KATNIP: variants seen among roughly 807,000 people sequenced by gnomAD.
KATNIP encodes katanin-interacting protein.
KATNIP carries 126 observed loss-of-function variants against 174.0 expected under a neutral mutation model. The observed-to-expected ratio is 0.72, with a 90% CI of 0.63 to 0.84. The LOEUF (loss-of-function observed/expected upper bound fraction) is 0.84, where lower values mean the gene tolerates loss of function less well. Among genes scored for constraint, KATNIP ranks in the 40% least tolerant of loss-of-function variants. The pLI is 0.00. For missense variants in KATNIP, 1,958 were observed against 2,109.7 expected, an observed-to-expected ratio of 0.93 and a Z score of 1.41; for synonymous variants, 810 against 835.7, an observed-to-expected ratio of 0.97 and a Z score of 0.53.
intron 14 of KATNIP, among the ~76,000 whole-genome samples, chr16:27,730,589 C>A (rs2080635060): frequency 6.6e-6 from 1 of 152,226 alleles, no homozygotes; most frequent in South Asian, 2.1e-4. Flanking sequence ...CTCCTGCCAT[C>A]CCCAGAGCCT....
Position 27,776,966 on chromosome 16 carries a change from C to T in KATNIP, c.4488C>T (p.Thr1496=), listed in dbSNP as rs769451151. ...RVYVIFDLPT[T]VSMIKLWNYA... is the part of the protein sequence containing the mutation. The stretch of plus-strand genomic sequence containing the variant: ...ATGTGATTTTCGATCTGCCTACCAC[C>T]GTGTCAATGATCAAACTGTGGAATT... Residue 1496 remains threonine, a synonymous_variant, in exon 25 of 28, where the codon ACC becomes ACT. Coordinates refer to ENST00000261588, the MANE Select transcript of KATNIP (RefSeq NM_015202.5). The surrounding 1 kb of genome is among the most constrained non-coding windows in gnomAD (Gnocchi z 4.7). 24 of 1,613,734 alleles carry T rather than the reference C, an allele frequency of 1.5e-5. No individual in the cohort carries two copies. The highest frequency in any genetic ancestry group is 5.3e-5 in the African/African-American group (4 of 74,920).
chr16:27,641,203 T>A (rs2076785269), intron 5 of KATNIP, among the ~76,000 whole-genome samples: 1 of 151,942 alleles, frequency 6.6e-6, no homozygotes, highest in Non-Finnish European at 1.5e-5. Context: ...TCTTTCATGC[T>A]TTCAGTTCAA....
rs78113825 is a variant in KATNIP at position 27,779,044 on chromosome 16, C to T, written c.*415C>T. 151 of 170,668 alleles carry T rather than the reference C, an allele frequency of 8.8e-4. No individual in the cohort carries two copies. The highest frequency in any genetic ancestry group is 3.3e-3 in the African/African-American group (141 of 42,278). The allele number at this position is 170,668 out of a possible 1,614,324, so 10.6% of individuals were successfully genotyped here. A position where few individuals can be genotyped will look rare whatever the true frequency, so the allele number is the denominator to read the frequency against. ...GACAGTGGGAGACCAGACCCTACCCCGCAACTCCAGTAAGCAGGGCACTGC... is the reference window on the plus strand; with the variant it reads ...GACAGTGGGAGACCAGACCCTACCCTGCAACTCCAGTAAGCAGGGCACTGC... On this transcript the variant is annotated 3_prime_UTR_variant, in exon 28 of 28. Transcript: ENST00000261588.
chr16:27,588,239 T>G (rs2090977497), intron 2 of KATNIP, among the ~76,000 whole-genome samples: 1 of 152,026 alleles, frequency 6.6e-6, no homozygotes. Flanking sequence ...AGGACCATAC[T>G]AAGGGACAAT....
chr16:27,774,598 A>T (rs1361779041), intron 23 of KATNIP, among the ~76,000 whole-genome samples: 1 of 152,120 alleles, frequency 6.6e-6, no homozygotes, highest in Non-Finnish European at 1.5e-5. Flanking sequence ...ATTCCCTTCC[A>T]AAAGAAAACC....
chr16:27,722,815 C>T (rs1004200995), intron 14 of KATNIP, among the ~76,000 whole-genome samples: 1 of 152,226 alleles, frequency 6.6e-6, no homozygotes, highest in Admixed American at 6.5e-5. Flanking sequence ...TCCCAACATG[C>T]CCAGTGAGCT....
At chr16:27,753,366 G>A (rs1009926731) in intron 17 of KATNIP, among the ~76,000 whole-genome samples, 3 of 152,172 alleles carry the variant, frequency 2.0e-5, no homozygotes, top group South Asian at 2.1e-4. Flanking sequence ...TACCCTGGGC[G>A]CTTCCATTTG....
intron 2 of KATNIP, among the ~76,000 whole-genome samples, chr16:27,579,581 C>T (rs1454529737): frequency 6.6e-6 from 1 of 152,172 alleles, no homozygotes; most frequent in Non-Finnish European, 1.5e-5. Context: ...CTCCCTCACT[C>T]CAGCCAGACT....
Position 27,750,088 on chromosome 16 carries a change from A to C in KATNIP, c.3128A>C (p.Asp1043Ala). The change falls in exon 16 of 28, where the codon GAT (aspartate) becomes GCT (alanine). Residue 1043 changes from aspartate to alanine, a missense_variant. Transcript: ENST00000261588. ...NLIDGVNRTQDDMHVWLAPFT... is the reference protein window; with the variant it reads ...NLIDGVNRTQADMHVWLAPFT... ...ATCGACGGGGTGAACAGGACCCAGG[A>C]TGACATGCATGTCTGGCTGGCCCCC... is the stretch of plus-strand genomic sequence containing the variant. The C allele has an allele frequency of 6.2e-7, 1 of 1,614,204 alleles. No individual in the cohort carries two copies. Among genetic ancestry groups the C allele is most frequent in the South Asian group, 1.1e-5 (1 of 91,078 alleles).
chr16:27,709,321 TAA>T (rs544654938), intron 13 of KATNIP, among the ~76,000 whole-genome samples: 49 of 120,108 alleles, frequency 4.1e-4, no homozygotes, highest in Non-Finnish European at 4.4e-4. Context: ...ACCCTGTCTC[TAA>T]AAAAAAAAAA....
chr16:27,732,524 T>C (rs1208325869), intron 14 of KATNIP, among the ~76,000 whole-genome samples: 1 of 152,172 alleles, frequency 6.6e-6, no homozygotes, highest in East Asian at 1.9e-4. Context: ...TGTGGACACT[T>C]GGCTAAGCAG....
chr16:27,633,455 A>AT (rs1197811965), intron 5 of KATNIP, among the ~76,000 whole-genome samples: 1 of 148,572 alleles, frequency 6.7e-6, no homozygotes, highest in African/African-American at 2.5e-5. Flanking sequence ...TTATTTTTAT[A>AT]TATTTTTTAT....
chr16:27,724,692 G>A (rs547684248), intron 14 of KATNIP, among the ~76,000 whole-genome samples: 17 of 152,316 alleles, frequency 1.1e-4, no homozygotes, highest in Admixed American at 6.5e-4. Context: ...GCAGAAAAGC[G>A]CAAACAAATG....
chr16:27,663,791 GT>G lies in KATNIP; in HGVS notation c.541-13928del, dbSNP rs980062265. Among the ~76,000 whole-genome samples the G allele has an allele frequency of 6.4e-4, 95 of 148,350 alleles. 1 individual carries two copies. Among genetic ancestry groups the G allele is most frequent in the Middle Eastern group, 6.9e-3 (2 of 288 alleles). On this transcript the variant is annotated intron_variant, in intron 6 of 27. Transcript: ENST00000261588. ...TCTAATTGGCTTATTAGTTTAGGGT[GT>G]TTTTTTTTTCCCCTCCTATATGTTT...
At chr16:27,551,794 T>C (rs1195376663) in intron 1 of KATNIP, among the ~76,000 whole-genome samples, 5 of 151,976 alleles carry the variant, frequency 3.3e-5, no homozygotes, top group Non-Finnish European at 2.9e-5. Flanking sequence ...GGAGAATCAT[T>C]TGAAGCCGAG....
At chr16:27,753,154 A>G (rs2081582576) in intron 17 of KATNIP, among the ~76,000 whole-genome samples, 1 of 152,002 alleles carries the variant, frequency 6.6e-6, no homozygotes, top group South Asian at 2.1e-4. Flanking sequence ...CCCCACATCT[A>G]AGGAAAGCGG....
In KATNIP at chr16:27,775,034, G is replaced by T; in HGVS notation, c.4399G>T (p.Asp1467Tyr). 6.2e-7 allele frequency: 1 copy of T among 1,613,464 alleles called. No homozygotes were observed. ...TPDKLIDQVN[D>Y]TSDGRHMWLA... is the part of the protein sequence containing the mutation. ...AGACAAGCTCATCGACCAAGTGAAC[G>T]ACACCAGTGATGGCCGGCACATGTG... The change falls in exon 24 of 28, where the codon GAC becomes TAC. Residue 1467 changes from aspartate (D) to tyrosine (Y), a missense_variant. This residue lies in a region of KATNIP where 383 missense variants were observed against 456.0 expected (regional missense o/e 0.84). Coordinates refer to ENST00000261588, the MANE Select transcript of KATNIP (RefSeq NM_015202.5).
chr16:27,654,623 A>G (rs1180552836), intron 6 of KATNIP: 1 of 1,352,012 alleles, frequency 7.4e-7, no homozygotes, highest in Non-Finnish European at 9.8e-7. Flanking sequence ...CAAATCTCCC[A>G]CCAGTACCAA....
At chr16:27,692,364 G>C (rs996044406) in intron 8 of KATNIP, among the ~76,000 whole-genome samples, 8 of 152,164 alleles carry the variant, frequency 5.3e-5, no homozygotes, top group African/African-American at 1.7e-4. Flanking sequence ...AGATTTACAA[G>C]GTTTGGGGTT....
Sources: allele counts gnomAD v4.1 joint callset (sites outside exome capture counted in the v4.1 genomes callset), GRCh38; gene constraint gnomAD v4.1.1; regional missense constraint gnomAD v4.1.1; non-coding constraint Gnocchi (gnomAD v3.1); transcripts MANE v1.5; gene names NCBI Gene and HGNC (gene_info 2026-07-23, HGNC 2026-07-21).